PCM1: variants seen among roughly 807,000 people sequenced by gnomAD.
The protein encoded by PCM1 is pericentriolar material 1 protein.
In PCM1, 157 loss-of-function variants were observed where a neutral mutation model predicts 241.9. The ratio of observed to expected loss-of-function variants is 0.65; its 90% CI spans 0.57 to 0.74. The LOEUF (loss-of-function observed/expected upper bound fraction) is 0.74. PCM1 is among the 30% of genes least tolerant of loss of function. The probability of loss-of-function intolerance (pLI) is 0.00; values close to 1 mark genes in which losing one functional copy is unlikely to be tolerated. For synonymous variants in PCM1, 1,085 were observed against 784.9 expected (o/e 1.38, Z -6.39); for missense variants, 3,478 against 2,360.1 (o/e 1.47, Z -9.81).
chr8:17,946,087 A>T (rs185223700), intron 6 of PCM1, among the ~76,000 whole-genome samples: 2 of 151,932 alleles, frequency 1.3e-5, no homozygotes, highest in African/African-American at 4.8e-5. Context: ...TTGCTTTTCC[A>T]TTTTCTTGTT....
chr8:17,937,214 A>G lies in PCM1; in HGVS notation c.177A>G (p.Arg59=). The part of the protein sequence containing the change: ...KKKFGVESDK[R]VTNDISPESS... ...AGTTTGGTGTAGAAAGTGATAAAAG[A>G]GTAACCAATGATATTTCTCCGGAGT... Residue 59 remains arginine, a synonymous_variant, in exon 4 of 39, where the codon AGA becomes AGG. Transcript: ENST00000325083. 1.2e-6 allele frequency: 2 copies of G among 1,605,960 alleles called. No individual in the cohort carries two copies. Among genetic ancestry groups the G allele is most frequent in the Non-Finnish European group, 1.7e-6 (2 of 1,174,892 alleles).
intron 6 of PCM1, among the ~76,000 whole-genome samples, chr8:17,942,434 T>A (rs779252117): frequency 6.6e-6 from 1 of 151,762 alleles, no homozygotes; most frequent in Non-Finnish European, 1.5e-5. Flanking sequence ...CCAGCATGGG[T>A]GACAGAGTGA....
chr8:18,022,468 C>A lies in PCM1; in HGVS notation c.5842-2893C>A, dbSNP rs539210605. Among the ~76,000 whole-genome samples the A allele has an allele frequency of 4.5e-4, 68 of 152,274 alleles. No homozygotes were observed. The South Asian group carries it at 0.013, about 28-fold the overall frequency. On this transcript the variant is annotated intron_variant, in intron 36 of 38. Coordinates refer to ENST00000325083, the MANE Select transcript of PCM1 (RefSeq NM_006197.4). ...TAGATGAATGGAATCACAACTAATA[C>A]CGAAATCTACTCCCACACACACTTG...
chr8:18,025,277 A>G (rs1214635254), intron 36 of PCM1, 84 bp from the exon 37 acceptor site: 6 of 757,982 alleles, frequency 7.9e-6, no homozygotes, highest in Non-Finnish European at 1.1e-5. Context: ...TGATAGAATT[A>G]CTGAGAAAAT....
In PCM1 at chr8:18,010,818, T is replaced by TA. The variant is rs2092384897; in HGVS notation, c.5220+155dup. 6.8e-6 allele frequency: 4 copies of TA among 585,368 alleles called. No individual in the cohort carries two copies. The East Asian group carries it at 1.2e-4, about 18-fold the overall frequency. The allele number at this position is 585,368 out of a possible 1,614,324, so 36.3% of individuals were successfully genotyped here. On this transcript the variant is annotated intron_variant, in intron 32 of 38. Coordinates refer to ENST00000325083, the MANE Select transcript of PCM1 (RefSeq NM_006197.4). ...CAACATGGTGAAACCCCGTCCATAC[T>TA]AAAAATACAAAAATTAGCCAGGCGT... is the stretch of plus-strand genomic sequence containing the variant.
intron 29 of PCM1, among the ~76,000 whole-genome samples, chr8:18,001,696 G>A (rs1446524094): frequency 6.6e-6 from 1 of 152,038 alleles, no homozygotes; most frequent in Non-Finnish European, 1.5e-5. Flanking sequence ...TTCTTATATT[G>A]TACTCATACT....
chr8:17,959,746 C>G (rs1358586882), intron 13 of PCM1, among the ~76,000 whole-genome samples: 1 of 151,658 alleles, frequency 6.6e-6, no homozygotes, highest in African/African-American at 2.4e-5. Context: ...ATTGATATAC[C>G]GTAGCTTGTT....
chr8:17,950,583 A>C (rs764927940), intron 7 of PCM1, 32 bp from the exon 8 acceptor site: 2 of 1,031,166 alleles, frequency 1.9e-6, no homozygotes, highest in Non-Finnish European at 3.0e-6. Flanking sequence ...TTGATTATTT[A>C]CATTAATCAG....
chr8:17,984,836 G>A (rs1003916030), intron 24 of PCM1, among the ~76,000 whole-genome samples: 11 of 151,884 alleles, frequency 7.2e-5, no homozygotes, highest in African/African-American at 2.7e-4. Flanking sequence ...TCACTTGCCT[G>A]CTCCAATATA....
At chr8:17,994,091 A>G (rs2085730964) in intron 29 of PCM1, among the ~76,000 whole-genome samples, 1 of 152,176 alleles carries the variant, frequency 6.6e-6, no homozygotes, top group Non-Finnish European at 1.5e-5. Flanking sequence ...TAAATTATTG[A>G]CTGTAGTCAC....
intron 6 of PCM1, among the ~76,000 whole-genome samples, chr8:17,946,830 T>G (rs2063949422): frequency 7.5e-6 from 1 of 132,828 alleles, no homozygotes; most frequent in South Asian, 2.4e-4. Context: ...CCTAGATTCT[T>G]CAGTGTGTGT....
chr8:18,022,184 A>T (rs192715344), intron 36 of PCM1, among the ~76,000 whole-genome samples: 1 of 152,112 alleles, frequency 6.6e-6, no homozygotes, highest in African/African-American at 2.4e-5. Context: ...TTGACAACCT[A>T]TAGGTGACTT....
chr8:17,982,835 T>A (rs910752410), intron 24 of PCM1, among the ~76,000 whole-genome samples: 3 of 152,164 alleles, frequency 2.0e-5, no homozygotes, highest in African/African-American at 7.2e-5. Flanking sequence ...ACCCTAAAAT[T>A]CCTTATAGCA....
At chr8:17,979,538 A>C (rs922351619) in intron 23 of PCM1, among the ~76,000 whole-genome samples, 2 of 152,118 alleles carry the variant, frequency 1.3e-5, no homozygotes, top group East Asian at 3.9e-4. Flanking sequence ...TCATAGTAGT[A>C]CTCTAAGTGT....
intron 2 of PCM1, among the ~76,000 whole-genome samples, chr8:17,929,275 T>G (rs946268003): frequency 6.6e-6 from 1 of 152,164 alleles, no homozygotes; most frequent in Non-Finnish European, 1.5e-5. Flanking sequence ...CAGGCTCTCC[T>G]GGTTTCCCTC....
intron 24 of PCM1, among the ~76,000 whole-genome samples, chr8:17,985,000 T>C (rs1028782309): frequency 6.6e-6 from 1 of 151,936 alleles, no homozygotes; most frequent in African/African-American, 2.4e-5. Flanking sequence ...GTAGCTTTCA[T>C]TGGCAGCATT....
chr8:17,929,880 C>T (rs2058417445), intron 2 of PCM1, among the ~76,000 whole-genome samples: 1 of 152,128 alleles, frequency 6.6e-6, no homozygotes, highest in South Asian at 2.1e-4. Context: ...CAACAGTATA[C>T]TGTAATAAAA....
intron 8 of PCM1, among the ~76,000 whole-genome samples, chr8:17,952,718 G>C (rs368775862): frequency 2.2e-4 from 33 of 152,266 alleles, no homozygotes; most frequent in African/African-American, 7.9e-4. Flanking sequence ...TTGGGTATCT[G>C]TTGTTTTTGG....
chr8:17,947,506 G>T, intron 7 of PCM1, 143 bp downstream of exon 7: 1 of 605,696 alleles, frequency 1.7e-6, no homozygotes, highest in Non-Finnish European at 2.8e-6. Context: ...ACTTTCCTGT[G>T]CTTTTCTCTG....
Sources: allele counts gnomAD v4.1 joint callset (sites outside exome capture counted in the v4.1 genomes callset), GRCh38; gene constraint gnomAD v4.1.1; transcripts MANE v1.5; gene names NCBI Gene and HGNC (gene_info 2026-07-23, HGNC 2026-07-21).